OPN3: variants seen among roughly 807,000 people sequenced by gnomAD.
OPN3 encodes opsin-3.
In OPN3, 29 loss-of-function variants were observed where a neutral mutation model predicts 33.8. The observed-to-expected ratio is 0.86, with a 90% CI of 0.64 to 1.17. The LOEUF is 1.17. Among genes scored for constraint, OPN3 ranks in the 50% most tolerant of loss-of-function variants. OPN3 has a pLI of 0.00. For missense variants in OPN3, 437 were observed against 514.1 expected, an observed-to-expected ratio of 0.85 and a Z score of 1.45; for synonymous variants, 216 against 216.1, an observed-to-expected ratio of 1.00 and a Z score of 0.00.
chr1:241,623,099 C>CA (rs11448132), intron 1 of OPN3, among the ~76,000 whole-genome samples: 76,962 of 151,190 alleles, frequency 0.51, 20,290 homozygotes, highest in Admixed American at 0.63. Context: ...AAACAAAAAA[C>CA]AAAAAAAACA....
At position 241,635,481 on chromosome 1, in the gene OPN3, T is replaced by C. The variant is rs150316107; in HGVS notation, c.373+4401A>G. On this transcript the variant is annotated intron_variant, in intron 1 of 3. Transcript: ENST00000366554. ...TAGCAAAAAGCTTCTGTGTGTTGAA[T>C]AGTTTCATCCTTCTTGCGAAGAGTG... 3.7e-5 allele frequency: 60 copies of C among 1,613,796 alleles called. No individual in the cohort carries two copies. The highest frequency in any genetic ancestry group is 4.7e-5 in the Non-Finnish European group (55 of 1,179,970).
In OPN3 at chr1:241,594,321, G is replaced by C. The variant is rs577471021; in HGVS notation, c.*107C>G. On this transcript the variant is annotated 3_prime_UTR_variant, in exon 4 of 4. Transcript: ENST00000366554. ...ATTCGGATTTCCTGCTGGACCACAAGGTTCTGTTGATATTACATAGAACGG... is the reference window on the plus strand; with the variant it reads ...ATTCGGATTTCCTGCTGGACCACAACGTTCTGTTGATATTACATAGAACGG... 1 of 1,245,204 alleles carries C rather than the reference G, an allele frequency of 8.0e-7. No homozygotes were observed. Among genetic ancestry groups the C allele is most frequent in the African/African-American group, 1.5e-5 (1 of 66,700 alleles). The allele number at this position is 1,245,204 out of a possible 1,614,324, so 77.1% of individuals were successfully genotyped here.
At chr1:241,619,076 C>A (rs955080936) in intron 1 of OPN3, among the ~76,000 whole-genome samples, 1 of 151,722 alleles carries the variant, frequency 6.6e-6, no homozygotes, top group Admixed American at 6.6e-5. Context: ...TGTGTGAAAC[C>A]CTTCATTCTT....
At chr1:241,634,353 G>C (rs1664783080) in intron 1 of OPN3, 2 of 1,613,840 alleles carry the variant, frequency 1.2e-6, no homozygotes, top group Non-Finnish European at 8.5e-7. Context: ...GAAGTCTGCT[G>C]ATCTAAATCT....
chr1:241,621,522 G>A (rs1664267640), intron 1 of OPN3, among the ~76,000 whole-genome samples: 1 of 152,164 alleles, frequency 6.6e-6, no homozygotes, highest in Non-Finnish European at 1.5e-5. Context: ...ATAGAATGAG[G>A]GAGTAATGCC....
At chr1:241,612,656 C>T (rs955215653) in intron 1 of OPN3, among the ~76,000 whole-genome samples, 1 of 152,130 alleles carries the variant, frequency 6.6e-6, no homozygotes, top group Admixed American at 6.5e-5. Context: ...TTATAGTTCC[C>T]CTTAACTGCT....
chr1:241,632,973 A>C (rs1664704482), intron 1 of OPN3: 1 of 152,078 alleles, frequency 6.6e-6, no homozygotes. Flanking sequence ...CTTTTGGTCT[A>C]AGTTACTTAT....
At position 241,640,157 on chromosome 1, in the gene OPN3, G is replaced by T; in HGVS notation, c.98C>A (p.Ala33Glu). ...GTAGGTGCCGGGGCTGAAGAGGGGC[G>T]CGGGGCTCAGTGTCCCCGCCGGCGC... is the stretch of plus-strand genomic sequence containing the variant. ...GPAPAGTLSP[A>E]PLFSPGTYER... Residue 33 changes from alanine to glutamate, a missense_variant, in exon 1 of 4, where the codon GCG (alanine) becomes GAG (glutamate). Physicochemically the swap from Ala to Glu is moderately radical, Grantham distance 107 (BLOSUM62 -1). Transcript: ENST00000366554. The T allele has an allele frequency of 1.3e-6, 2 of 1,514,418 alleles. No homozygotes were observed. Among genetic ancestry groups the T allele is most frequent in the Non-Finnish European group, 1.8e-6 (2 of 1,134,076 alleles). The allele number at this position is 1,514,418 out of a possible 1,614,324, so 93.8% of individuals were successfully genotyped here. A position where few individuals can be genotyped will look rare whatever the true frequency, so the allele number is the denominator to read the frequency against.
At chr1:241,605,275 AGAGG>A (rs1663796809) in intron 1 of OPN3, among the ~76,000 whole-genome samples, 1 of 151,930 alleles carries the variant, frequency 6.6e-6, no homozygotes, top group Non-Finnish European at 1.5e-5. Context: ...CTCAGCTATT[AGAGG>A]TAAAGTCAAA....
At chr1:241,602,825 T>C (rs575110599) in intron 2 of OPN3, among the ~76,000 whole-genome samples, 1 of 152,144 alleles carries the variant, frequency 6.6e-6, no homozygotes, top group South Asian at 2.1e-4. Flanking sequence ...AGATTCCACG[T>C]AGGAATCTGA....
At chr1:241,636,637 C>T (rs1421279039) in intron 1 of OPN3, among the ~76,000 whole-genome samples, 2 of 152,048 alleles carry the variant, frequency 1.3e-5, no homozygotes, top group African/African-American at 4.8e-5. Flanking sequence ...TTCAGTAAAA[C>T]AACTGGCCAT....
At chr1:241,623,880 T>C (rs910353867) in intron 1 of OPN3, among the ~76,000 whole-genome samples, 7 of 152,322 alleles carry the variant, frequency 4.6e-5, no homozygotes, top group East Asian at 3.9e-4. Flanking sequence ...ATAAGTCTTA[T>C]CAAGAAAAAC....
At position 241,640,230 on chromosome 1, in the gene OPN3, C is replaced by T; in HGVS notation, c.25G>A (p.Gly9Ser). The T allele has an allele frequency of 7.6e-7, 1 of 1,324,030 alleles. No individual in the cohort carries two copies. The highest frequency in any genetic ancestry group is 2.1e-5 in the South Asian group (1 of 48,672). 82.0% of individuals were successfully genotyped at this position (1,324,030 alleles called of 1,614,324 possible). The part of the protein sequence containing the change: MYSGNRSG[G>S]HGYWDGGGAA... ...CCGCCGCCGTCCCAGTAGCCGTGGC[C>T]GCCGCTGCGGTTCCCCGAGTACATG... The change falls in exon 1 of 4, where the codon GGC becomes AGC. Residue 9 changes from glycine (G) to serine (S), a missense_variant. Gly to Ser is a moderately conservative substitution (Grantham distance 56, BLOSUM62 0). Coordinates refer to ENST00000366554, the MANE Select transcript of OPN3 (RefSeq NM_014322.3).
chr1:241,623,362 C>A (rs1374875239), intron 1 of OPN3, among the ~76,000 whole-genome samples: 1 of 152,240 alleles, frequency 6.6e-6, no homozygotes, highest in Non-Finnish European at 1.5e-5. Flanking sequence ...TCTTGCCAAA[C>A]TGTTTTAATA....
intron 1 of OPN3, among the ~76,000 whole-genome samples, chr1:241,619,675 G>C (rs1292795661): frequency 6.6e-6 from 1 of 152,210 alleles, no homozygotes; most frequent in Non-Finnish European, 1.5e-5. Context: ...TGAGAAGCTT[G>C]TTGGGGAGAC....
chr1:241,639,791 G>T, intron 1 of OPN3, 91 bp downstream of exon 1: 1 of 1,252,770 alleles, frequency 8.0e-7, no homozygotes, highest in Non-Finnish European at 1.0e-6. Context: ...AGCGGTGCGG[G>T]GCGGGCTGGG....
chr1:241,598,824 C>T (rs746800304), intron 2 of OPN3, among the ~76,000 whole-genome samples: 1 of 152,176 alleles, frequency 6.6e-6, no homozygotes, highest in African/African-American at 2.4e-5. Flanking sequence ...ATAGTTCTCT[C>T]TAAACATTGT....
At chr1:241,618,135 C>G (rs1664183709) in intron 1 of OPN3, among the ~76,000 whole-genome samples, 1 of 152,206 alleles carries the variant, frequency 6.6e-6, no homozygotes, top group Non-Finnish European at 1.5e-5. Context: ...TCACATTCTA[C>G]TATTTCAAGC....
At position 241,634,826 on chromosome 1, in the gene OPN3, T is replaced by C. The variant is rs202209165; in HGVS notation, c.373+5056A>G. 3.7e-6 allele frequency: 6 copies of C among 1,613,260 alleles called. No individual in the cohort carries two copies. The East Asian group carries it at 1.1e-4, about 30-fold the overall frequency. The stretch of plus-strand genomic sequence containing the variant: ...AAATGAACACTGCCTGAAAGCTTGG[T>C]ATTCATCAGGATGTTGTTCATACTC... On this transcript the variant is annotated intron_variant, in intron 1 of 3. Transcript: ENST00000366554.
Sources: gnomAD v4.1 joint callset for allele counts (sites outside exome capture counted in the v4.1 genomes callset) on GRCh38, gnomAD v4.1.1 for gene constraint, MANE v1.5 for transcripts, NCBI Gene and HGNC (gene_info 2026-07-23, HGNC 2026-07-21) for gene names.